DMD: variants seen among roughly 807,000 people sequenced by gnomAD.
The protein encoded by DMD is dystrophin.
A neutral mutation model predicts 330.1 loss-of-function variants in DMD; 63 were observed. The observed-to-expected ratio is 0.19, with a 90% CI of 0.16 to 0.24. DMD has a LOEUF of 0.24. Among genes scored for constraint, DMD ranks in the 10% least tolerant of loss-of-function variants. The probability of loss-of-function intolerance (pLI) is 1.00; values close to 1 mark genes in which losing one functional copy is unlikely to be tolerated. For missense variants in DMD, 3,344 were observed against 2,684.1 expected, an observed-to-expected ratio of 1.25 and a Z score of -5.43; for synonymous variants, 1,223 against 959.8, an observed-to-expected ratio of 1.27 and a Z score of -5.07.
chrX:33,277,374 C>T (rs1263912113), intron 1 of DMD, among the ~76,000 whole-genome samples: 3 of 111,199 alleles, frequency 2.7e-5, no homozygotes, highest in Non-Finnish European at 3.8e-5. Context: ...CGTGAATGTA[C>T]GAAATGCTAT....
At chrX:31,293,235 G>GTGTGTA (rs1259670372) in intron 62 of DMD, among the ~76,000 whole-genome samples, 14 of 98,268 alleles carry the variant, frequency 1.4e-4, no homozygotes, top group Non-Finnish European at 6.2e-5. Context: ...GTGTGTGTGT[G>GTGTGTA]TGTGTGTGTG....
At chrX:31,526,499 C>T (rs1033915216) in intron 55 of DMD, among the ~76,000 whole-genome samples, 4 of 111,933 alleles carry the variant, frequency 3.6e-5, no homozygotes, top group African/African-American at 1.3e-4. Context: ...AGCTATTTAA[C>T]CTATACCATG....
At chrX:32,938,264 C>G (rs1448638300) in intron 2 of DMD, among the ~76,000 whole-genome samples, 1 of 111,260 alleles carries the variant, frequency 9.0e-6, no homozygotes, top group African/African-American at 3.3e-5. Flanking sequence ...TCGAATTTAT[C>G]GGGTTTGGGG....
chrX:31,264,109 C>A (rs1198339910), intron 62 of DMD, among the ~76,000 whole-genome samples: 1 of 112,144 alleles, frequency 8.9e-6, no homozygotes, highest in East Asian at 2.8e-4. Flanking sequence ...GAAGGACAAA[C>A]CACATTTTTG....
intron 16 of DMD, among the ~76,000 whole-genome samples, chrX:32,548,278 G>A (rs766645642): frequency 1.2e-3 from 138 of 111,810 alleles, no homozygotes; most frequent in African/African-American, 4.4e-3. Flanking sequence ...GAAGATGAAT[G>A]CCACGTGAAA....
intron 7 of DMD, among the ~76,000 whole-genome samples, chrX:32,707,122 A>G (rs2096996871): frequency 9.0e-6 from 1 of 111,687 alleles, no homozygotes; most frequent in African/African-American, 3.3e-5. Flanking sequence ...TATATTGAAA[A>G]TATGAGACAC....
rs753239270 is a variant in DMD, at chrX:32,315,367, G to A, written c.5923-5091C>T. The stretch of plus-strand genomic sequence containing the variant: ...CATATGGCCGCAGGGGCCTGTTGGC[G>A]GGTGGGGGGCAAGGGGAGGGATAGC... On this transcript the variant is annotated intron_variant, in intron 41 of 78. Coordinates refer to ENST00000357033, the MANE Select transcript of DMD (RefSeq NM_004006.3). Among the ~76,000 whole-genome samples, 7 of 110,209 alleles carry A rather than the reference G, an allele frequency of 6.4e-5. No individual in the cohort carries two copies. The South Asian group carries it at 1.9e-3, about 31-fold the overall frequency.
chrX:32,611,134 T>C (rs1054370218), intron 12 of DMD, among the ~76,000 whole-genome samples: 3 of 110,659 alleles, frequency 2.7e-5, no homozygotes, highest in African/African-American at 9.9e-5. Flanking sequence ...CTCGCCAAAA[T>C]TGTTGCCAAG....
chrX:32,423,968 A>C (rs16998304), intron 29 of DMD, among the ~76,000 whole-genome samples: 1,618 of 111,662 alleles, frequency 0.014, 25 homozygotes, highest in African/African-American at 0.05. Context: ...TTTACAAAGA[A>C]AATAGCATAC....
Position 31,146,272 on chromosome X carries a change from G to C in DMD, c.10921+19C>G. The C allele has an allele frequency of 1.5e-5, 18 of 1,208,399 alleles. No individual in the cohort carries two copies. Among genetic ancestry groups the C allele is most frequent in the Non-Finnish European group, 2.0e-5 (18 of 893,178 alleles). ...CCTTTCTTCAGACAACAAAATCTGAGAGTAGCTAGGACACTTACCCATGGA... is the reference window on the plus strand; with the variant it reads ...CCTTTCTTCAGACAACAAAATCTGACAGTAGCTAGGACACTTACCCATGGA... On this transcript the variant is annotated intron_variant, in intron 76 of 78. Transcript: ENST00000357033.
chrX:31,255,428 T>C (rs773000304), intron 63 of DMD, among the ~76,000 whole-genome samples: 6 of 111,122 alleles, frequency 5.4e-5, no homozygotes, highest in Non-Finnish European at 9.4e-5. Context: ...TTATTACTTC[T>C]AGGGAGTGAC....
chrX:31,951,157 A>ATG (rs1296506239), intron 45 of DMD, among the ~76,000 whole-genome samples: 1 of 72,619 alleles, frequency 1.4e-5, no homozygotes, highest in African/African-American at 6.8e-5. Flanking sequence ...ATATATATAT[A>ATG]TGTATATATA....
At chrX:33,333,840 ATTTGT>A (rs758811920) in intron 1 of DMD, among the ~76,000 whole-genome samples, 6 of 111,408 alleles carry the variant, frequency 5.4e-5, no homozygotes, top group African/African-American at 1.9e-4. Context: ...AGTGCAGTGC[ATTTGT>A]TTTATCTTGA....
intron 27 of DMD, among the ~76,000 whole-genome samples, chrX:32,444,506 G>A (rs1365028004): frequency 9.0e-6 from 1 of 111,186 alleles, no homozygotes; most frequent in Non-Finnish European, 1.9e-5. Flanking sequence ...ACAAATGGTA[G>A]AATCCATACC....
intron 53 of DMD, among the ~76,000 whole-genome samples, chrX:31,675,798 T>A (rs2082046212): frequency 1.8e-5 from 2 of 112,383 alleles, no homozygotes; most frequent in Admixed American, 9.4e-5. Flanking sequence ...CATTGATAAA[T>A]ATTTATGCAA....
intron 44 of DMD, among the ~76,000 whole-genome samples, chrX:32,002,941 A>C (rs5972472): frequency 0.13 from 13,897 of 110,680 alleles, 1,058 homozygotes; most frequent in East Asian, 0.42. Context: ...AAAGTGTTGG[A>C]GTTTATTGCT....
At chrX:32,562,643 T>C (rs978066882) in intron 16 of DMD, among the ~76,000 whole-genome samples, 1 of 112,672 alleles carries the variant, frequency 8.9e-6, no homozygotes, top group Non-Finnish European at 1.9e-5. Context: ...TTATAGAAAA[T>C]GTACATACAA....
intron 17 of DMD, among the ~76,000 whole-genome samples, chrX:32,526,669 G>T (rs1344030238): frequency 9.0e-6 from 1 of 111,606 alleles, no homozygotes; most frequent in Non-Finnish European, 1.9e-5. Context: ...AGATACCTGT[G>T]TATATAAATG....
chrX:33,263,535 T>C (rs2052994705), intron 1 of DMD, among the ~76,000 whole-genome samples: 1 of 109,091 alleles, frequency 9.2e-6, no homozygotes, highest in Non-Finnish European at 1.9e-5. Context: ...TTTCTTTCTA[T>C]GGGTTTATTC....
Sources: gnomAD v4.1 joint callset for allele counts (sites outside exome capture counted in the v4.1 genomes callset) on GRCh38, gnomAD v4.1.1 for gene constraint, MANE v1.5 for transcripts, NCBI Gene and HGNC (gene_info 2026-07-23, HGNC 2026-07-21) for gene names.